The following BCAS3 variants were observed in gnomAD, a reference collection of about 807,000 sequenced individuals.
BCAS3 encodes BCAS4/BCAS3 fusion.
Under a neutral mutation model 116.1 loss-of-function variants are expected in BCAS3, and 53 were observed. That is an observed-to-expected ratio of 0.46 (90% CI 0.37 to 0.57). The LOEUF (loss-of-function observed/expected upper bound fraction) is 0.57, where lower values mean the gene tolerates loss of function less well. BCAS3 is among the 20% of genes least tolerant of loss of function. The pLI is 0.00. For synonymous variants in BCAS3, 391 were observed against 408.2 expected (o/e 0.96, Z 0.51); for missense variants, 917 against 1,165.4 (o/e 0.79, Z 3.10).
intron 7 of BCAS3, among the ~76,000 whole-genome samples, chr17:60,867,200 G>A (rs575153501): frequency 6.6e-6 from 1 of 151,842 alleles, no homozygotes; most frequent in Non-Finnish European, 1.5e-5. Context: ...CCGCCTCCCA[G>A]GTTCAAGCAA....
intron 2 of BCAS3, among the ~76,000 whole-genome samples, chr17:60,680,581 G>C (rs913168911): frequency 2.0e-5 from 3 of 151,984 alleles, no homozygotes; most frequent in African/African-American, 7.2e-5. Flanking sequence ...CTTTGACAAA[G>C]AATGTCTATA....
rs2005818 is a variant in BCAS3, at chr17:61,262,889, T to A, written c.2426-105438T>A. 2.7e-5 allele frequency among the ~76,000 whole-genome samples: 4 copies of A among 148,602 alleles called. No homozygotes were observed. In the East Asian group the frequency reaches 8.0e-4, roughly 30 times the overall value. On this transcript the variant is annotated intron_variant, in intron 22 of 23. Coordinates refer to ENST00000407086, the MANE Select transcript of BCAS3 (RefSeq NM_017679.5). ...GTATTTTTAGTAGAGATGGGGTTTC[T>A]CCATGTTGGTCAGGCTGGTCTCGAA...
chr17:60,810,994 G>A (rs2048758879), intron 7 of BCAS3: 1 of 666,290 alleles, frequency 1.5e-6, no homozygotes, highest in Non-Finnish European at 2.8e-6. Context: ...GCAGATTGAA[G>A]AGAGCACCAC....
intron 13 of BCAS3, among the ~76,000 whole-genome samples, chr17:60,928,171 T>C (rs2059460229): frequency 6.6e-6 from 1 of 152,146 alleles, no homozygotes; most frequent in South Asian, 2.1e-4. Flanking sequence ...TGCTGGTTAG[T>C]TGCAAATGCA....
At chr17:61,329,621 G>A (rs1389715432) in intron 22 of BCAS3, among the ~76,000 whole-genome samples, 3 of 152,150 alleles carry the variant, frequency 2.0e-5, no homozygotes, top group Non-Finnish European at 2.9e-5. Context: ...GATTACAGGC[G>A]TGAGCCACCA....
intron 22 of BCAS3, among the ~76,000 whole-genome samples, chr17:61,223,188 C>G (rs912825901): frequency 1.0e-4 from 8 of 77,696 alleles, no homozygotes; most frequent in Non-Finnish European, 1.6e-4. Context: ...GACGGAGTTT[C>G]ACTCTGTTGC....
At position 61,361,220 on chromosome 17, in the gene BCAS3, C is replaced by G. The variant is rs548035599; in HGVS notation, c.2426-7107C>G. 1.3e-5 allele frequency among the ~76,000 whole-genome samples: 2 copies of G among 151,370 alleles called. No homozygotes were observed. The highest frequency in any genetic ancestry group is 1.3e-4 in the Admixed American group (2 of 15,194). Reference sequence around the variant, plus strand: ...AAAAAAAAAAAAGAAAAGACCCAGACGGAGTAGCAACTTGCCCAGAGTAAC... The same window carrying G: ...AAAAAAAAAAAAGAAAAGACCCAGAGGGAGTAGCAACTTGCCCAGAGTAAC... On this transcript the variant is annotated intron_variant, in intron 22 of 23. Transcript: ENST00000407086. This position sits in a 1 kb window ranked among gnomAD's most constrained non-coding sequence, Gnocchi z 6.5.
At position 61,286,463 on chromosome 17, in the gene BCAS3, TGACCCTGGAGGCCATC is replaced by T. The variant is rs2051797737; in HGVS notation, c.2426-81861_2426-81846del. Among the ~76,000 whole-genome samples, 1 of 152,212 alleles carries T rather than the reference TGACCCTGGAGGCCATC, an allele frequency of 6.6e-6. No individual in the cohort carries two copies. Among genetic ancestry groups the T allele is most frequent in the African/African-American group, 2.4e-5 (1 of 41,452 alleles). ...GGATAGAAATCCGACGTGGTGTTTA[TGACCCTGGAGGCCATC>T]GATAACTGGACCTAGAAGGGTTTCT... On this transcript the variant is annotated intron_variant, in intron 22 of 23. Coordinates refer to ENST00000407086, the MANE Select transcript of BCAS3 (RefSeq NM_017679.5). The surrounding 1 kb of genome is among the most constrained non-coding windows in gnomAD (Gnocchi z 4.8).
At position 60,921,314 on chromosome 17, in the gene BCAS3, A is replaced by G. The variant is rs181081455; in HGVS notation, c.994-3093A>G. Among the ~76,000 whole-genome samples the G allele has an allele frequency of 3.7e-3, 569 of 152,228 alleles. 3 individuals are homozygous for G. Among genetic ancestry groups the G allele is most frequent in the African/African-American group, 0.013 (541 of 41,548 alleles). ...AAGCAAATCAATGGAGAAATGAAAA[A>G]CCAAATACTCCATATTCTCACTTAT... On this transcript the variant is annotated intron_variant, in intron 12 of 23. Transcript: ENST00000407086.
At chr17:61,030,957 A>T (rs2066593133) in intron 16 of BCAS3, among the ~76,000 whole-genome samples, 1 of 151,650 alleles carries the variant, frequency 6.6e-6, no homozygotes, top group African/African-American at 2.4e-5. Flanking sequence ...AACCATTTTA[A>T]AAAAAAATGG....
chr17:61,187,345 T>C (rs1489046531), intron 22 of BCAS3, among the ~76,000 whole-genome samples: 1 of 152,226 alleles, frequency 6.6e-6, no homozygotes, highest in African/African-American at 2.4e-5. Flanking sequence ...GAAACTCCTT[T>C]CTTATCATTC....
intron 22 of BCAS3, among the ~76,000 whole-genome samples, chr17:61,202,025 TG>T (rs2080856532): frequency 2.0e-5 from 3 of 148,408 alleles, no homozygotes; most frequent in African/African-American, 7.4e-5. Flanking sequence ...CCCAAAGTGC[TG>T]GGATTACAGG....
At chr17:60,875,989 G>T (rs2144921725) in intron 9 of BCAS3, among the ~76,000 whole-genome samples, 1 of 151,856 alleles carries the variant, frequency 6.6e-6, no homozygotes, top group South Asian at 2.1e-4. Flanking sequence ...AATTTAATTT[G>T]TACATATTTA....
In BCAS3 at chr17:61,390,054, G is replaced by A. The variant is rs927977827; in HGVS notation, c.2594-1923G>A. The A allele has an allele frequency of 2.0e-5, 3 of 151,886 alleles. No homozygotes were observed. Among genetic ancestry groups the A allele is most frequent in the Non-Finnish European group, 4.4e-5 (3 of 67,932 alleles). The allele number at this position is 151,886 out of a possible 1,614,324, so 9.4% of individuals were successfully genotyped here. On this transcript the variant is annotated intron_variant, in intron 23 of 23. Transcript: ENST00000407086. This position sits in a 1 kb window ranked among gnomAD's most constrained non-coding sequence, Gnocchi z 6.8. ...CTTAGGCCTGGCGGCCCGATCCTAA[G>A]GAAGCCCCTGCTTTTCTTGCGCCTG... is the stretch of plus-strand genomic sequence containing the variant.
chr17:60,846,768 T>G (rs1245597177), intron 7 of BCAS3, among the ~76,000 whole-genome samples: 1 of 151,992 alleles, frequency 6.6e-6, no homozygotes, highest in Admixed American at 6.6e-5. Context: ...CCTCCCTCCC[T>G]TCATTCCTTC....
rs1348096967 is a variant in BCAS3, at chr17:61,377,934, C to G, written c.2593+9440C>G. The G allele has an allele frequency of 6.6e-6, 1 of 152,182 alleles. No homozygotes were observed. The highest frequency in any genetic ancestry group is 6.5e-5 in the Admixed American group (1 of 15,284). 9.4% of individuals were successfully genotyped at this position (152,182 alleles called of 1,614,324 possible). ...AGTTATTAAGATCCTGCCGGTCTCC[C>G]ATGGTCTGAAGGGTTGGAGTTTTAT... On this transcript the variant is annotated intron_variant, in intron 23 of 23. Coordinates refer to ENST00000407086, the MANE Select transcript of BCAS3 (RefSeq NM_017679.5). This position sits in a 1 kb window ranked among gnomAD's most constrained non-coding sequence, Gnocchi z 4.6.
rs984709166 is a variant in BCAS3 at position 61,380,298 on chromosome 17, G to A, written c.2594-11679G>A. On this transcript the variant is annotated intron_variant, in intron 23 of 23. Transcript: ENST00000407086. This position sits in a 1 kb window ranked among gnomAD's most constrained non-coding sequence, Gnocchi z 4.2. ...GCAGCTGGACTGGGGAGGAGGGAGA[G>A]AGGGAAGGATGATACCAGTTTAGGC... 2 of 588,162 alleles carry A rather than the reference G, an allele frequency of 3.4e-6. No homozygotes were observed. The highest frequency in any genetic ancestry group is 1.9e-5 in the African/African-American group (1 of 53,644). The allele number at this position is 588,162 out of a possible 1,614,324, so 36.4% of individuals were successfully genotyped here.
At chr17:60,692,599 A>G (rs1033372263) in intron 4 of BCAS3, among the ~76,000 whole-genome samples, 1 of 149,176 alleles carries the variant, frequency 6.7e-6, no homozygotes, top group Non-Finnish European at 1.5e-5. Context: ...CTCCTTGGCC[A>G]GGTGCTCACC....
At chr17:61,067,682 T>TACC (rs2070831684) in intron 19 of BCAS3, among the ~76,000 whole-genome samples, 1 of 142,854 alleles carries the variant, frequency 7.0e-6, no homozygotes, top group Non-Finnish European at 1.5e-5. Flanking sequence ...TGCTGCTGTA[T>TACC]ACCAGCCTGG....
Sources: gnomAD v4.1 joint callset for allele counts (sites outside exome capture counted in the v4.1 genomes callset) on GRCh38, gnomAD v4.1.1 for gene constraint, Gnocchi (gnomAD v3.1) non-coding constraint, MANE v1.5 for transcripts, NCBI Gene and HGNC (gene_info 2026-07-23, HGNC 2026-07-21) for gene names.